GLRA3: variants seen among roughly 807,000 people sequenced by gnomAD.
GLRA3 encodes glycine receptor alpha 3.
A neutral mutation model predicts 60.4 loss-of-function variants in GLRA3; 44 were observed. That is an observed-to-expected ratio of 0.73 (90% CI 0.57 to 0.94). The LOEUF is 0.94. Among genes scored for constraint, GLRA3 ranks in the 40% least tolerant of loss-of-function variants. The pLI, the probability that GLRA3 is intolerant of heterozygous loss-of-function variation, is 0.00. For synonymous variants in GLRA3, 223 were observed against 192.9 expected (o/e 1.16, Z -1.29); for missense variants, 508 against 564.6 (o/e 0.90, Z 1.02).
chr4:174,811,144 G>A (rs2111369374), intron 1 of GLRA3, among the ~76,000 whole-genome samples: 1 of 141,918 alleles, frequency 7.0e-6, no homozygotes, highest in East Asian at 2.1e-4. Context: ...CACAGACACA[G>A]ACACACACAC....
At chr4:174,665,037 G>T (rs992187384) in intron 7 of GLRA3, among the ~76,000 whole-genome samples, 17 of 152,082 alleles carry the variant, frequency 1.1e-4, no homozygotes, top group Admixed American at 4.6e-4. Context: ...ATTTGGGAGG[G>T]TAACGATATG....
At chr4:174,680,590 C>A (rs1561051010) in intron 6 of GLRA3, among the ~76,000 whole-genome samples, 1 of 151,956 alleles carries the variant, frequency 6.6e-6, no homozygotes, top group Admixed American at 6.6e-5. Flanking sequence ...CTGAGACAGA[C>A]AGAGATGAGT....
chr4:174,794,775 A>G (rs943029522), intron 1 of GLRA3, among the ~76,000 whole-genome samples: 5 of 152,148 alleles, frequency 3.3e-5, no homozygotes, highest in African/African-American at 1.2e-4. Flanking sequence ...ATTTGATCTG[A>G]TATTGGTTCT....
chr4:174,814,334 G>C (rs770376601), intron 1 of GLRA3, among the ~76,000 whole-genome samples: 1 of 152,060 alleles, frequency 6.6e-6, no homozygotes, highest in Non-Finnish European at 1.5e-5. Context: ...GGATGAAGTG[G>C]GAAGGCAGTC....
intron 5 of GLRA3, among the ~76,000 whole-genome samples, chr4:174,699,883 G>T (rs1735237563): frequency 6.7e-6 from 1 of 150,170 alleles, no homozygotes; most frequent in South Asian, 2.1e-4. Flanking sequence ...TACTTAATTT[G>T]TTAATTATTT....
chr4:174,669,181 C>A (rs1198370914), intron 7 of GLRA3, among the ~76,000 whole-genome samples: 1 of 151,986 alleles, frequency 6.6e-6, no homozygotes, highest in East Asian at 1.9e-4. Context: ...AGTGCAAGAA[C>A]CTGTATAAGA....
chr4:174,820,675 G>C (rs188877487), intron 1 of GLRA3, among the ~76,000 whole-genome samples: 1 of 152,236 alleles, frequency 6.6e-6, no homozygotes, highest in Non-Finnish European at 1.5e-5. Flanking sequence ...CCAGTCATTT[G>C]ATGCAGGACA....
chr4:174,752,660 T>C (rs1456628916), intron 3 of GLRA3, among the ~76,000 whole-genome samples: 1 of 152,130 alleles, frequency 6.6e-6, no homozygotes, highest in African/African-American at 2.4e-5. Context: ...CCAAATGTCT[T>C]CCTTACCGTA....
rs570752667 is a variant in GLRA3 at position 174,715,065 on chromosome 4, C to G, written c.574+423G>C. On this transcript the variant is annotated intron_variant, in intron 5 of 9. Coordinates refer to ENST00000274093, the MANE Select transcript of GLRA3 (RefSeq NM_006529.4). ...CACCTTTGTGAGTTGGAGCCGAATA[C>G]TCAACCATTCAACATGACCACTTTC... Among the ~76,000 whole-genome samples, 3 of 152,208 alleles carry G rather than the reference C, an allele frequency of 2.0e-5. No homozygotes were observed. The South Asian group carries it at 6.2e-4, about 32-fold the overall frequency.
chr4:174,684,523 TCTC>T (rs1734477091), intron 5 of GLRA3, among the ~76,000 whole-genome samples: 1 of 152,230 alleles, frequency 6.6e-6, no homozygotes, highest in South Asian at 2.1e-4. Flanking sequence ...ATTTTTATCT[TCTC>T]CTTCCCTCTG....
chr4:174,783,123 A>G (rs1187175042), intron 2 of GLRA3, among the ~76,000 whole-genome samples: 1 of 152,144 alleles, frequency 6.6e-6, no homozygotes, highest in Admixed American at 6.5e-5. Context: ...AAACAGAGAT[A>G]TAGATCAATG....
intron 4 of GLRA3, among the ~76,000 whole-genome samples, chr4:174,719,028 T>C (rs1433131895): frequency 7.8e-6 from 1 of 127,878 alleles, no homozygotes; most frequent in Non-Finnish European, 1.6e-5. Context: ...AGTGGCGCAA[T>C]CTCGGCTCAC....
At chr4:174,646,553 T>C (rs1732825933) in intron 9 of GLRA3, among the ~76,000 whole-genome samples, 2 of 152,170 alleles carry the variant, frequency 1.3e-5, no homozygotes, top group East Asian at 1.9e-4. Context: ...CTTTGGCCCA[T>C]GTGACTAGAT....
At chr4:174,782,807 G>T (rs1343951451) in intron 2 of GLRA3, among the ~76,000 whole-genome samples, 2 of 151,714 alleles carry the variant, frequency 1.3e-5, no homozygotes, top group African/African-American at 2.4e-5. Context: ...CACTGCTCAA[G>T]GAAATAAAAG....
chr4:174,793,047 A>G (rs2111317528), intron 1 of GLRA3, among the ~76,000 whole-genome samples: 1 of 152,314 alleles, frequency 6.6e-6, no homozygotes, highest in African/African-American at 2.4e-5. Flanking sequence ...AACTTCAGGA[A>G]TCACTACAAG....
intron 2 of GLRA3, among the ~76,000 whole-genome samples, chr4:174,767,240 T>C (rs1579574050): frequency 1.3e-5 from 2 of 151,940 alleles, no homozygotes; most frequent in African/African-American, 4.8e-5. Context: ...ATGCTGATCA[T>C]TTTTTTACCT....
chr4:174,780,211 C>T (rs2111275016), intron 2 of GLRA3, among the ~76,000 whole-genome samples: 1 of 140,180 alleles, frequency 7.1e-6, no homozygotes, highest in South Asian at 2.5e-4. Flanking sequence ...TCCAGCCAAA[C>T]TAAGCTTCAT....
intron 4 of GLRA3, among the ~76,000 whole-genome samples, chr4:174,724,042 A>C (rs546886357): frequency 1.3e-3 from 166 of 131,660 alleles, no homozygotes; most frequent in African/African-American, 4.2e-3. Context: ...CTATGCATAT[A>C]TATATTTGTG....
chr4:174,710,849 C>G (rs1220561507), intron 5 of GLRA3, among the ~76,000 whole-genome samples: 1 of 151,462 alleles, frequency 6.6e-6, no homozygotes, highest in Non-Finnish European at 1.5e-5. Context: ...TTCAAAGCAC[C>G]AGGTTTAGGG....
Sources: gnomAD v4.1 joint callset for allele counts (sites outside exome capture counted in the v4.1 genomes callset) on GRCh38, gnomAD v4.1.1 for gene constraint, MANE v1.5 for transcripts, NCBI Gene and HGNC (gene_info 2026-07-23, HGNC 2026-07-21) for gene names.